The following SPIN1 variants were observed in gnomAD, a reference collection of about 807,000 sequenced individuals.
SPIN1 encodes spindlin-1.
SPIN1 carries 3 observed loss-of-function variants against 26.0 expected under a neutral mutation model. The ratio of observed to expected loss-of-function variants is 0.12; its 90% CI spans 0.05 to 0.30. The LOEUF (loss-of-function observed/expected upper bound fraction) is 0.30, where lower values mean the gene tolerates loss of function less well. Among genes scored for constraint, SPIN1 ranks in the 10% least tolerant of loss-of-function variants. The pLI is 1.00. For synonymous variants in SPIN1, 101 were observed against 116.5 expected, an observed-to-expected ratio of 0.87 and a Z score of 0.86; for missense variants, 126 against 333.4, an observed-to-expected ratio of 0.38 and a Z score of 4.84.
At chr9:88,407,662 A>T (rs1419651914) in intron 1 of SPIN1, among the ~76,000 whole-genome samples, 2 of 151,420 alleles carry the variant, frequency 1.3e-5, no homozygotes, top group African/African-American at 4.9e-5. Context: ...TTTTTAAATT[A>T]AAAAAAAGCT....
intron 2 of SPIN1, among the ~76,000 whole-genome samples, chr9:88,441,423 GCGCGCCCA>G (rs1554695455): frequency 1.3e-5 from 2 of 149,158 alleles, no homozygotes; most frequent in South Asian, 2.2e-4. Context: ...GTGCGCGCGC[GCGCGCCCA>G]TGTGTGTGTA....
Position 88,475,292 on chromosome 9 carries a change from T to G in SPIN1, c.*15T>G. The G allele has an allele frequency of 6.2e-7, 1 of 1,606,298 alleles. No individual in the cohort carries two copies. The highest frequency in any genetic ancestry group is 8.5e-7 in the Non-Finnish European group (1 of 1,174,490). Reference sequence around the variant, plus strand: ...AAACATCCTAGATGTCATCACAAACTCTGCCAAATTTGTGGAACTATGAAA... The same window carrying G: ...AAACATCCTAGATGTCATCACAAACGCTGCCAAATTTGTGGAACTATGAAA... On this transcript the variant is annotated 3_prime_UTR_variant, in exon 6 of 6. Transcript: ENST00000375859.
At chr9:88,422,048 G>T (rs1182699172) in intron 1 of SPIN1, among the ~76,000 whole-genome samples, 1 of 152,020 alleles carries the variant, frequency 6.6e-6, no homozygotes, top group East Asian at 1.9e-4. Context: ...TGTAGTGAAG[G>T]GTCAAGATTG....
Position 88,442,316 on chromosome 9 carries a change from T to C in SPIN1, c.53-6625T>C, listed in dbSNP as rs980428828. Reference sequence around the variant, plus strand: ...CTTTAAATAGTTCCCTCTACTATCTTCCTTTTTTGCATGGTTTCTGAGGAG... The same window carrying C: ...CTTTAAATAGTTCCCTCTACTATCTCCCTTTTTTGCATGGTTTCTGAGGAG... On this transcript the variant is annotated intron_variant, in intron 2 of 5. Coordinates refer to ENST00000375859, the MANE Select transcript of SPIN1 (RefSeq NM_006717.3). Among the ~76,000 whole-genome samples, 7 of 151,834 alleles carry C rather than the reference T, an allele frequency of 4.6e-5. 1 individual carries two copies. The highest frequency in any genetic ancestry group is 1.7e-4 in the African/African-American group (7 of 41,134).
chr9:88,476,820 C>G lies in SPIN1; in HGVS notation c.*1543C>G, dbSNP rs1048772690. 6.6e-6 allele frequency: 1 copy of G among 152,082 alleles called. No homozygotes were observed. Among genetic ancestry groups the G allele is most frequent in the African/African-American group, 2.4e-5 (1 of 41,388 alleles). The allele number at this position is 152,082 out of a possible 1,614,324, so 9.4% of individuals were successfully genotyped here. A position where few individuals can be genotyped will look rare whatever the true frequency, so the allele number is the denominator to read the frequency against. Reference sequence around the variant, plus strand: ...TCTCTTGTGGAGATTGGAAATCCTCCCTGATATTTGGGCAGAGCCTAAACG... The same window carrying G: ...TCTCTTGTGGAGATTGGAAATCCTCGCTGATATTTGGGCAGAGCCTAAACG... On this transcript the variant is annotated 3_prime_UTR_variant, in exon 6 of 6. Coordinates refer to ENST00000375859, the MANE Select transcript of SPIN1 (RefSeq NM_006717.3).
At chr9:88,472,575 C>T (rs979016725) in intron 5 of SPIN1, among the ~76,000 whole-genome samples, 3 of 152,092 alleles carry the variant, frequency 2.0e-5, no homozygotes, top group African/African-American at 7.2e-5. Context: ...TCACTACAAC[C>T]TCCAACTCCC....
chr9:88,461,674 G>A (rs867777375), intron 3 of SPIN1, among the ~76,000 whole-genome samples: 4 of 152,082 alleles, frequency 2.6e-5, no homozygotes, highest in Admixed American at 6.5e-5. Context: ...TGTTCTTGGC[G>A]TATATCAGCA....
At chr9:88,440,499 G>C (rs1828097372) in intron 2 of SPIN1, among the ~76,000 whole-genome samples, 1 of 151,934 alleles carries the variant, frequency 6.6e-6, no homozygotes, top group Non-Finnish European at 1.5e-5. Flanking sequence ...CCTGTAGTTT[G>C]CGATATATAT....
chr9:88,414,816 C>T (rs575293073), intron 1 of SPIN1, among the ~76,000 whole-genome samples: 11 of 152,180 alleles, frequency 7.2e-5, no homozygotes, highest in Non-Finnish European at 1.5e-4. Flanking sequence ...TTCTCCTGTC[C>T]AAATCCATGG....
chr9:88,461,693 C>G (rs1375057931), intron 3 of SPIN1, among the ~76,000 whole-genome samples: 1 of 152,076 alleles, frequency 6.6e-6, no homozygotes, highest in Non-Finnish European at 1.5e-5. Flanking sequence ...CATCTGTTAT[C>G]TTGGTTTTGA....
At chr9:88,389,746 C>T (rs1376634387) in intron 1 of SPIN1, among the ~76,000 whole-genome samples, 1 of 152,172 alleles carries the variant, frequency 6.6e-6, no homozygotes, top group Non-Finnish European at 1.5e-5. Flanking sequence ...GAAGGAATTC[C>T]ATGCAATCCG....
chr9:88,389,626 G>C (rs1054164233), intron 1 of SPIN1, among the ~76,000 whole-genome samples: 2 of 152,128 alleles, frequency 1.3e-5, no homozygotes, highest in African/African-American at 4.8e-5. Context: ...ACAATACCAG[G>C]AACATTTAAA....
intron 1 of SPIN1, among the ~76,000 whole-genome samples, chr9:88,390,945 C>T (rs1464165001): frequency 6.6e-6 from 1 of 152,100 alleles, no homozygotes. Context: ...CATTGAAGGT[C>T]CTCTTATTGG....
chr9:88,451,233 C>G (rs185908134), intron 3 of SPIN1, among the ~76,000 whole-genome samples: 9 of 152,316 alleles, frequency 5.9e-5, no homozygotes, highest in African/African-American at 2.2e-4. Context: ...CGGTGGCCCT[C>G]CTTCTGTCTC....
At chr9:88,396,200 T>A (rs1827053391) in intron 1 of SPIN1, among the ~76,000 whole-genome samples, 1 of 147,800 alleles carries the variant, frequency 6.8e-6, no homozygotes, top group South Asian at 2.2e-4. Flanking sequence ...GATCGCGCCA[T>A]TGCACTTCAG....
At chr9:88,432,070 A>T (rs1827887745) in intron 2 of SPIN1, among the ~76,000 whole-genome samples, 1 of 151,908 alleles carries the variant, frequency 6.6e-6, no homozygotes, top group African/African-American at 2.4e-5. Context: ...GTGGAATATT[A>T]TGTTTCTTCT....
intron 1 of SPIN1, among the ~76,000 whole-genome samples, chr9:88,393,338 C>G (rs1276852836): frequency 6.6e-6 from 1 of 150,476 alleles, no homozygotes; most frequent in Non-Finnish European, 1.5e-5. Context: ...TATGCTTGGG[C>G]CTGTCTGCAA....
At chr9:88,465,568 G>A (rs1233667129) in intron 4 of SPIN1, among the ~76,000 whole-genome samples, 1 of 152,106 alleles carries the variant, frequency 6.6e-6, no homozygotes, top group African/African-American at 2.4e-5. Context: ...ATCTTTTTAT[G>A]TGCTTGTTGG....
At chr9:88,392,208 A>T (rs1826938649) in intron 1 of SPIN1, among the ~76,000 whole-genome samples, 1 of 152,090 alleles carries the variant, frequency 6.6e-6, no homozygotes, top group South Asian at 2.1e-4. Flanking sequence ...GTTGAGGTAA[A>T]CAGTTTCCTT....
Sources: allele counts gnomAD v4.1 joint callset (sites outside exome capture counted in the v4.1 genomes callset), GRCh38; gene constraint gnomAD v4.1.1; transcripts MANE v1.5; gene names NCBI Gene and HGNC (gene_info 2026-07-23, HGNC 2026-07-21).